Variants in CLCN5 observed in about 807,000 individuals in gnomAD.
CLCN5 encodes the protein H(+)/Cl(-) exchange transporter 5.
CLCN5 carries 17 observed loss-of-function variants against 54.0 expected under a neutral mutation model. The ratio of observed to expected loss-of-function variants is 0.31; its 90% CI spans 0.22 to 0.47. The LOEUF (loss-of-function observed/expected upper bound fraction) is 0.47. Ranked by LOEUF, CLCN5 falls within the 20% of genes least tolerant of loss-of-function variation. The pLI is 1.00. For synonymous variants in CLCN5, 222 were observed against 233.0 expected (o/e 0.95, Z 0.43); for missense variants, 448 against 646.7 (o/e 0.69, Z 3.33).
At chrX:50,062,800 C>A (rs1464745715) in intron 4 of CLCN5, among the ~76,000 whole-genome samples, 1 of 102,366 alleles carries the variant, frequency 9.8e-6, no homozygotes, top group Non-Finnish European at 1.9e-5. Flanking sequence ...GAAATTATAA[C>A]AAACTATCTC....
intron 2 of CLCN5, among the ~76,000 whole-genome samples, chrX:49,924,145 A>ATTTTTTTTTTTTTTTTTTTTTTTTT (rs34424526): frequency 1.2e-5 from 1 of 84,507 alleles, no homozygotes; most frequent in African/African-American, 4.5e-5. Context: ...CCTAGCTCCT[A>ATTTTTTTTTTTTTTTTTTTTTTTTT]TTTTTTTTTT....
At chrX:49,954,572 G>A (rs1296921914) in intron 3 of CLCN5, among the ~76,000 whole-genome samples, 3 of 110,791 alleles carry the variant, frequency 2.7e-5, no homozygotes, top group Non-Finnish European at 5.7e-5. Context: ...TGTGCCATAT[G>A]TGTGAGCTCT....
At chrX:50,080,005 C>T (rs868962692) in intron 7 of CLCN5, among the ~76,000 whole-genome samples, 6 of 111,181 alleles carry the variant, frequency 5.4e-5, no homozygotes, top group African/African-American at 9.8e-5. Flanking sequence ...GTAACAATTT[C>T]GCTATATGTA....
At chrX:50,067,326 A>AATTTCTTTCT (rs1933060190) in intron 4 of CLCN5, among the ~76,000 whole-genome samples, 1 of 110,889 alleles carries the variant, frequency 9.0e-6, no homozygotes, top group East Asian at 2.8e-4. Flanking sequence ...TATACTTAGG[A>AATTTCTTTCT]CCCCTGTAAC....
At chrX:50,028,404 G>A (rs1198969167) in intron 3 of CLCN5, among the ~76,000 whole-genome samples, 1 of 111,902 alleles carries the variant, frequency 8.9e-6, no homozygotes, top group Non-Finnish European at 1.9e-5. Flanking sequence ...ACTCTTCAAA[G>A]TGTGAGGTCC....
intron 4 of CLCN5, among the ~76,000 whole-genome samples, chrX:50,066,220 A>C (rs1383209356): frequency 2.8e-5 from 3 of 106,648 alleles, no homozygotes; most frequent in African/African-American, 1.0e-4. Context: ...AAAAAAAGAC[A>C]GTCACAGTTG....
intron 4 of CLCN5, chrX:50,050,419 T>G (rs1932538329): frequency 9.0e-6 from 1 of 111,502 alleles, no homozygotes; most frequent in South Asian, 3.8e-4. Context: ...AATAGGTATG[T>G]AGTGGTATCT....
In CLCN5 at chrX:50,095,548, G is replaced by A. The variant is rs1398688543; in HGVS notation, c.*3329G>A. 4.4e-5 allele frequency: 5 copies of A among 112,457 alleles called. No individual in the cohort carries two copies. The highest frequency in any genetic ancestry group is 9.4e-5 in the Non-Finnish European group (5 of 53,309). The allele number at this position is 112,457 out of a possible 1,213,427, so 9.3% of individuals were successfully genotyped here. A position where few individuals can be genotyped will look rare whatever the true frequency, so the allele number is the denominator to read the frequency against. Reference sequence around the variant, plus strand: ...GAATTTACCAGCTGGTGAAGCAAACGATTAATTTGTGATTGAACTGAAAAG... The same window carrying A: ...GAATTTACCAGCTGGTGAAGCAAACAATTAATTTGTGATTGAACTGAAAAG... On this transcript the variant is annotated 3_prime_UTR_variant, in exon 15 of 15. Transcript: ENST00000376091.
intron 3 of CLCN5, among the ~76,000 whole-genome samples, chrX:49,973,217 G>A (rs888295076): frequency 9.0e-6 from 1 of 111,350 alleles, no homozygotes; most frequent in Non-Finnish European, 1.9e-5. Context: ...TATACCAGAT[G>A]ATTTTTCTGT....
intron 3 of CLCN5, among the ~76,000 whole-genome samples, chrX:50,033,418 A>G (rs781820991): frequency 3.6e-5 from 4 of 111,795 alleles, no homozygotes; most frequent in South Asian, 3.8e-4. Flanking sequence ...CCCATTCACA[A>G]TTACTTCAAA....
intron 3 of CLCN5, among the ~76,000 whole-genome samples, chrX:49,932,253 ATC>A (rs1432401929): frequency 8.9e-6 from 1 of 112,049 alleles, no homozygotes; most frequent in African/African-American, 3.2e-5. Context: ...GGGTTTATGT[ATC>A]TCTCTGTGTT....
intron 3 of CLCN5, among the ~76,000 whole-genome samples, chrX:50,031,464 A>G (rs1255792269): frequency 9.0e-6 from 1 of 111,063 alleles, no homozygotes; most frequent in Non-Finnish European, 1.9e-5. Flanking sequence ...TGAGTTATTG[A>G]GACCCTTTTA....
At position 50,096,295 on chromosome X, in the gene CLCN5, T is replaced by G. The variant is rs1934259984; in HGVS notation, c.*4076T>G. On this transcript the variant is annotated 3_prime_UTR_variant, in exon 15 of 15. Transcript: ENST00000376091. ...TCTAAATATGTAGTCTGAACTTAAG[T>G]GTCCTAAAACCTTGTTTTTTGTTTT... 8.9e-6 allele frequency: 1 copy of G among 111,966 alleles called. No homozygotes were observed. Among genetic ancestry groups the G allele is most frequent in the African/African-American group, 3.2e-5 (1 of 30,775 alleles). 9.2% of individuals were successfully genotyped at this position (111,966 alleles called of 1,213,427 possible). A position where few individuals can be genotyped will look rare whatever the true frequency, so the allele number is the denominator to read the frequency against.
chrX:50,031,061 C>CA (rs1177963405), intron 3 of CLCN5, among the ~76,000 whole-genome samples: 4 of 111,742 alleles, frequency 3.6e-5, no homozygotes, highest in Non-Finnish European at 5.6e-5. Flanking sequence ...GCCTGTATAA[C>CA]AGGGTATTTC....
chrX:49,925,205 C>A lies in CLCN5; in HGVS notation c.-94C>A. The A allele has an allele frequency of 1.0e-6, 1 of 960,243 alleles. No homozygotes were observed. Among genetic ancestry groups the A allele is most frequent in the Non-Finnish European group, 1.5e-6 (1 of 667,825 alleles). 79.1% of individuals were successfully genotyped at this position (960,243 alleles called of 1,213,427 possible). A position where few individuals can be genotyped will look rare whatever the true frequency, so the allele number is the denominator to read the frequency against. Reference sequence around the variant, plus strand: ...TTTAGCCCCTTGGAGAAAACAGGGCCACATAGCTGCCTTTCTATCAAGTCT... The same window carrying A: ...TTTAGCCCCTTGGAGAAAACAGGGCAACATAGCTGCCTTTCTATCAAGTCT... On this transcript the variant is annotated 5_prime_UTR_variant, in exon 3 of 15. Transcript: ENST00000376091.
rs182481633 is a variant in CLCN5, at chrX:49,984,009, G to A, written c.17-58307G>A. On this transcript the variant is annotated intron_variant, in intron 3 of 14. Transcript: ENST00000376091. ...AACATTTTCTAACACAGTTAATTAG[G>A]AATGATGATTGGATATCTTTTTGGG... 7.7e-3 allele frequency among the ~76,000 whole-genome samples: 848 copies of A among 110,785 alleles called. 2 individuals carry two copies. Among genetic ancestry groups the A allele is most frequent in the Non-Finnish European group, 0.012 (659 of 52,823 alleles).
At chrX:49,990,867 C>G (rs1198599629) in intron 3 of CLCN5, among the ~76,000 whole-genome samples, 2 of 112,509 alleles carry the variant, frequency 1.8e-5, no homozygotes, top group Non-Finnish European at 3.8e-5. Flanking sequence ...ATCCAAGTTG[C>G]TGCAAATGCC....
intron 3 of CLCN5, among the ~76,000 whole-genome samples, chrX:49,963,217 A>T (rs782480286): frequency 9.0e-6 from 1 of 111,699 alleles, no homozygotes; most frequent in Non-Finnish European, 1.9e-5. Context: ...GAAATTTTAC[A>T]TTTGTTCTCT....
intron 3 of CLCN5, among the ~76,000 whole-genome samples, chrX:49,975,457 A>G (rs1377174214): frequency 3.6e-5 from 4 of 111,595 alleles, no homozygotes; most frequent in Non-Finnish European, 5.7e-5. Flanking sequence ...CCCTCTTCCT[A>G]TAAGGGAGGA....
Sources: gnomAD v4.1 joint callset for allele counts (sites outside exome capture counted in the v4.1 genomes callset) on GRCh38, gnomAD v4.1.1 for gene constraint, MANE v1.5 for transcripts, NCBI Gene and HGNC (gene_info 2026-07-23, HGNC 2026-07-21) for gene names.